Variants in PCDHGB1 observed in about 807,000 individuals in gnomAD.
The protein encoded by PCDHGB1 is protocadherin gamma-B1.
Under a neutral mutation model 56.6 loss-of-function variants are expected in PCDHGB1, and 34 were observed. The ratio of observed to expected loss-of-function variants is 0.60; its 90% confidence interval spans 0.46 to 0.80. The LOEUF (loss-of-function observed/expected upper bound fraction) is 0.80, where lower values mean the gene tolerates loss of function less well. PCDHGB1 is among the 30% of genes least tolerant of loss of function. PCDHGB1 has a pLI of 0.00. For missense variants in PCDHGB1, 1,278 were observed against 1,204.6 expected (o/e 1.06, Z -0.90); for synonymous variants, 561 against 505.9 (o/e 1.11, Z -1.46).
intron 1 of PCDHGB1, chr5:141,398,887 A>T: frequency 6.2e-7 from 1 of 1,613,976 alleles, no homozygotes; most frequent in Non-Finnish European, 8.5e-7. Context: ...CCTTCGGGAA[A>T]ACGTGCCACC....
At chr5:141,357,792 C>T in intron 1 of PCDHGB1, 3 of 822,618 alleles carry the variant, frequency 3.6e-6, no homozygotes, top group Non-Finnish European at 5.6e-6. Context: ...GTATTTACCA[C>T]ACAAAAATGT....
Position 141,512,106 on chromosome 5 carries a change from T to A in PCDHGB1, c.*933T>A, listed in dbSNP as rs2099884076. 6.6e-6 allele frequency: 1 copy of A among 152,630 alleles called. No homozygotes were observed. Among genetic ancestry groups the A allele is most frequent in the Non-Finnish European group, 1.5e-5 (1 of 68,060 alleles). 9.5% of individuals were successfully genotyped at this position (152,630 alleles called of 1,614,324 possible). On this transcript the variant is annotated 3_prime_UTR_variant, in exon 4 of 4. Transcript: ENST00000523390. ...TAAACCAATAACTAGGCTGGACCCT[T>A]CCCACTACATAATAGGGCTCAGCCC...
intron 1 of PCDHGB1, chr5:141,375,536 G>A: frequency 6.2e-7 from 1 of 1,613,972 alleles, no homozygotes; most frequent in African/African-American, 1.3e-5. Flanking sequence ...GGACCAGAAC[G>A]CCCAAGTCTC....
rs138745923 is a variant in PCDHGB1, at chr5:141,420,954, A to C, written c.2409+68285A>C. On this transcript the variant is annotated intron_variant, in intron 1 of 3. Transcript: ENST00000523390. ...GTAATCATTTCTTCTGGAATTTCTTAGTCGTTGCAATAATAAGAATGGGCT... is the reference window on the plus strand; with the variant it reads ...GTAATCATTTCTTCTGGAATTTCTTCGTCGTTGCAATAATAAGAATGGGCT... 3.9e-3 allele frequency: 1,621 copies of C among 412,482 alleles called. 10 individuals are homozygous for C. The highest frequency in any genetic ancestry group is 0.01 in the Admixed American group (249 of 24,550). The allele number at this position is 412,482 out of a possible 1,614,324, so 25.6% of individuals were successfully genotyped here.
chr5:141,366,731 AAAG>A (rs745983303), intron 1 of PCDHGB1: 28 of 1,613,012 alleles, frequency 1.7e-5, no homozygotes, highest in Non-Finnish European at 2.1e-5. Flanking sequence ...AGATGCAAAC[AAAG>A]AAGAACGGCG....
At chr5:141,461,689 A>G (rs2099020485) in intron 1 of PCDHGB1, among the ~76,000 whole-genome samples, 1 of 152,120 alleles carries the variant, frequency 6.6e-6, no homozygotes, top group Admixed American at 6.6e-5. Context: ...GTTTATTTTG[A>G]GACAGAGTTT....
rs1036779864 is a variant in PCDHGB1 at position 141,379,823 on chromosome 5, T to C, written c.2409+27154T>C. 3.3e-5 allele frequency among the ~76,000 whole-genome samples: 5 copies of C among 150,450 alleles called. No homozygotes were observed. In the East Asian group the frequency reaches 9.7e-4, roughly 29 times the overall value. On this transcript the variant is annotated intron_variant, in intron 1 of 3. Transcript: ENST00000523390. ...GTTTTGAGAGTTCAGTATAGAATTT[T>C]GAAGCATCAGGAAAAAAAACTACCA... is the stretch of plus-strand genomic sequence containing the variant.
Position 141,364,692 on chromosome 5 carries a change from T to G in PCDHGB1, c.2409+12023T>G, listed in dbSNP as rs1763485100. On this transcript the variant is annotated intron_variant, in intron 1 of 3. Transcript: ENST00000523390. ...AAAATGAAAATTTATGGAGTAGAAGTAGAAATAATCGATATTAATGATAAC... is the reference window on the plus strand; with the variant it reads ...AAAATGAAAATTTATGGAGTAGAAGGAGAAATAATCGATATTAATGATAAC... The G allele has an allele frequency of 2.5e-6, 4 of 1,613,922 alleles. No individual in the cohort carries two copies. In the East Asian group the frequency reaches 8.9e-5, roughly 36 times the overall value.
chr5:141,367,668 G>T (rs1218712700), intron 1 of PCDHGB1: 2 of 152,216 alleles, frequency 1.3e-5, no homozygotes, highest in East Asian at 3.9e-4. Flanking sequence ...TGGATATGTG[G>T]GCTTGTTGAG....
chr5:141,403,215 G>A (rs2150961720), intron 1 of PCDHGB1: 1 of 1,613,996 alleles, frequency 6.2e-7, no homozygotes, highest in South Asian at 1.1e-5. Flanking sequence ...GTCACCGCGG[G>A]TAGGATAGAC....
chr5:141,360,120 C>A, intron 1 of PCDHGB1: 1 of 1,578,376 alleles, frequency 6.3e-7, no homozygotes, highest in Non-Finnish European at 8.6e-7. Flanking sequence ...GGCAAAGGAG[C>A]AAAGGGAGCC....
At chr5:141,354,754 C>A (rs1399681540) in intron 1 of PCDHGB1, among the ~76,000 whole-genome samples, 2 of 152,014 alleles carry the variant, frequency 1.3e-5, no homozygotes, top group East Asian at 3.9e-4. Flanking sequence ...AGAGGAAGAA[C>A]ACATCTTAGG....
intron 1 of PCDHGB1, chr5:141,416,864 G>C (rs2096066198): frequency 6.6e-6 from 1 of 151,862 alleles, no homozygotes; most frequent in Admixed American, 6.6e-5. Flanking sequence ...TTTCAGGTCA[G>C]TCAACATTTG....
rs550738928 is a variant in PCDHGB1 at position 141,352,537 on chromosome 5, A to G, written c.2277A>G (p.Thr759=). Residue 759 remains threonine (T), a synonymous_variant, in exon 1 of 4, where the codon ACA becomes ACG. Transcript: ENST00000523390. The part of the protein sequence containing the change: ...NLCIASHSAK[T]EFNSLNLTPE... ...GTATTGCCTCTCATTCTGCAAAGAC[A>G]GAGTTTAATTCTCTCAACCTGACAC... 1.0e-4 allele frequency: 161 copies of G among 1,613,994 alleles called. No homozygotes were observed. In the African/African-American group the frequency reaches 1.9e-3, roughly 19 times the overall value.
chr5:141,421,078 C>T (rs11575964), intron 1 of PCDHGB1: 20,754 of 627,892 alleles, frequency 0.033, 387 homozygotes, highest in Middle Eastern at 0.088. Context: ...GAGATGGATA[C>T]TCACAGATCC....
chr5:141,438,627 T>C (rs55817844), intron 1 of PCDHGB1, among the ~76,000 whole-genome samples: 510 of 47,978 alleles, frequency 0.011, 3 homozygotes, highest in Admixed American at 0.017. Context: ...TATATATATA[T>C]ATATATATAC....
chr5:141,414,992 C>T, intron 1 of PCDHGB1: 2 of 1,613,770 alleles, frequency 1.2e-6, no homozygotes, highest in Non-Finnish European at 1.7e-6. Flanking sequence ...GGCCAGAACG[C>T]CTGGCTGTCC....
rs902790467 is a variant in PCDHGB1 at position 141,395,519 on chromosome 5, C to A, written c.2409+42850C>A. 1.5e-5 allele frequency: 6 copies of A among 409,366 alleles called. 1 individual carries two copies. The highest frequency in any genetic ancestry group is 1.3e-4 in the African/African-American group (6 of 47,696). The allele number at this position is 409,366 out of a possible 1,614,324, so 25.4% of individuals were successfully genotyped here. On this transcript the variant is annotated intron_variant, in intron 1 of 3. Transcript: ENST00000523390. ...TTCACTTAAGAAGTAGCTACCCGTC[C>A]ATACTGGTAATTTTGCTATTGTTTG...
At chr5:141,427,164 C>T (rs1171285271) in intron 1 of PCDHGB1, 1 of 456,682 alleles carries the variant, frequency 2.2e-6, no homozygotes, top group Non-Finnish European at 4.4e-6. Context: ...TGTGCTAGAC[C>T]ATCAAAATGG....
Sources: gnomAD v4.1 joint callset for allele counts (sites outside exome capture counted in the v4.1 genomes callset) on GRCh38, gnomAD v4.1.1 for gene constraint, MANE v1.5 for transcripts, NCBI Gene and HGNC (gene_info 2026-07-23, HGNC 2026-07-21) for gene names.